The following CSMD2 variants were observed in gnomAD, a reference collection of about 807,000 sequenced individuals.
The protein encoded by CSMD2 is CUB and sushi domain-containing protein 2.
A neutral mutation model predicts 398.5 loss-of-function variants in CSMD2; 130 were observed. That is an observed-to-expected ratio of 0.33 (90% CI 0.28 to 0.38). The LOEUF is 0.38. Among genes scored for constraint, CSMD2 ranks in the 10% least tolerant of loss-of-function variants. CSMD2 has a pLI of 1.00. For synonymous variants in CSMD2, 1,828 were observed against 1,908.5 expected (o/e 0.96, Z 1.10); for missense variants, 3,829 against 4,764.9 (o/e 0.80, Z 5.78).
intron 1 of CSMD2, among the ~76,000 whole-genome samples, chr1:34,108,877 G>A (rs539601027): frequency 4.1e-4 from 62 of 152,250 alleles, no homozygotes; most frequent in Non-Finnish European, 7.1e-4. Flanking sequence ...GATGTTCCTG[G>A]CACTTATTCT....
intron 44 of CSMD2, among the ~76,000 whole-genome samples, chr1:33,597,400 C>T (rs1639913483): frequency 6.6e-6 from 1 of 152,122 alleles, no homozygotes; most frequent in South Asian, 2.1e-4. Flanking sequence ...TTACAATTTG[C>T]AAAAATTTTG....
intron 10 of CSMD2, 22 bp from the exon 11 acceptor site, chr1:33,792,548 A>C: frequency 1.3e-6 from 2 of 1,527,418 alleles, no homozygotes; most frequent in South Asian, 2.2e-5. Flanking sequence ...ACACAGGGTT[A>C]GGAGCAGGCA....
At chr1:33,981,197 T>C (rs1411748380) in intron 3 of CSMD2, among the ~76,000 whole-genome samples, 2 of 152,152 alleles carry the variant, frequency 1.3e-5, no homozygotes, top group East Asian at 3.9e-4. Context: ...TTGCAGTCCT[T>C]ACTCCCGGTT....
chr1:33,962,021 C>T (rs1479997671), intron 3 of CSMD2, among the ~76,000 whole-genome samples: 1 of 152,164 alleles, frequency 6.6e-6, no homozygotes, highest in Non-Finnish European at 1.5e-5. Flanking sequence ...AAACACATGT[C>T]ACAGACACTG....
intron 1 of CSMD2, among the ~76,000 whole-genome samples, chr1:34,101,387 G>T (rs1233162041): frequency 6.6e-6 from 1 of 152,220 alleles, no homozygotes; most frequent in Non-Finnish European, 1.5e-5. Flanking sequence ...CCCCAGGACA[G>T]ACTTCCAAAT....
intron 10 of CSMD2, among the ~76,000 whole-genome samples, chr1:33,800,927 C>A (rs950147236): frequency 1.3e-5 from 2 of 152,146 alleles, no homozygotes; most frequent in African/African-American, 2.4e-5. Flanking sequence ...TGCACAGGGC[C>A]TGGCACAGAG....
At chr1:33,895,692 A>AGAAAGGTGG (rs1642339656) in intron 5 of CSMD2, among the ~76,000 whole-genome samples, 2 of 152,250 alleles carry the variant, frequency 1.3e-5, no homozygotes, top group South Asian at 4.1e-4. Context: ...GGCAGGCTAC[A>AGAAAGGTGG]CTGGCCGCCC....
intron 14 of CSMD2, 58 bp downstream of exon 14, chr1:33,743,222 C>T (rs547526729): frequency 3.4e-6 from 5 of 1,455,144 alleles, no homozygotes; most frequent in Non-Finnish European, 4.7e-6. Flanking sequence ...CACCTTCGAT[C>T]ATCCTCAGAG....
chr1:33,775,198 C>T (rs1651813368), intron 12 of CSMD2, among the ~76,000 whole-genome samples: 1 of 152,050 alleles, frequency 6.6e-6, no homozygotes, highest in Admixed American at 6.6e-5. Flanking sequence ...GCCATAAATC[C>T]AATTCACAAT....
chr1:33,658,924 C>A (rs1171954028), intron 26 of CSMD2, among the ~76,000 whole-genome samples: 3 of 152,086 alleles, frequency 2.0e-5, no homozygotes, highest in Non-Finnish European at 2.9e-5. Context: ...AAGGACTTTG[C>A]GAGTTGGCCT....
chr1:33,533,107 C>T lies in CSMD2; in HGVS notation c.10114G>A (p.Glu3372Lys), dbSNP rs891390487. 4.3e-6 allele frequency: 7 copies of T among 1,613,766 alleles called. No homozygotes were observed. Among genetic ancestry groups the T allele is most frequent in the Non-Finnish European group, 5.9e-6 (7 of 1,179,982 alleles). Reference sequence around the variant, plus strand: ...CCATCCGCCTTGCAGGTGCGGTGCTCGGAGCCACCCTTGAGGGAGAAGCCC... The same window carrying T: ...CCATCCGCCTTGCAGGTGCGGTGCTTGGAGCCACCCTTGAGGGAGAAGCCC... ...QEGFSLKGGS[E>K]HRTCKADGSW... The change falls in exon 64 of 71, where the codon GAG becomes AAG. Residue 3372 changes from glutamate to lysine, a missense_variant. Glu to Lys is a moderately conservative substitution (Grantham distance 56). Around this residue, in one of 5 missense-constraint regions of CSMD2, gnomAD observed 917 missense variants for 1,199.5 expected, o/e 0.76. Coordinates refer to ENST00000373381, the MANE Select transcript of CSMD2 (RefSeq NM_001281956.2). This position sits in a 1 kb window ranked among gnomAD's most constrained non-coding sequence, Gnocchi z 4.2.
intron 25 of CSMD2, among the ~76,000 whole-genome samples, chr1:33,678,253 C>T (rs1644785807): frequency 6.6e-6 from 1 of 150,686 alleles, no homozygotes; most frequent in Non-Finnish European, 1.5e-5. Flanking sequence ...GATGCTGGCA[C>T]CATGCTTCTT....
chr1:33,979,560 C>A (rs976707860), intron 3 of CSMD2, among the ~76,000 whole-genome samples: 16 of 152,212 alleles, frequency 1.1e-4, no homozygotes, highest in Non-Finnish European at 1.5e-5. Context: ...ATTTGAGAAA[C>A]AGACTGGTAA....
chr1:33,716,707 T>A (rs1646182911), intron 19 of CSMD2, among the ~76,000 whole-genome samples: 1 of 152,132 alleles, frequency 6.6e-6, no homozygotes, highest in Non-Finnish European at 1.5e-5. Flanking sequence ...GGGAGAAGAA[T>A]TTTACAGTTC....
intron 5 of CSMD2, among the ~76,000 whole-genome samples, chr1:33,877,695 T>G (rs1225572302): frequency 4.6e-5 from 7 of 152,096 alleles, no homozygotes; most frequent in Non-Finnish European, 8.8e-5. Flanking sequence ...AGGCCCTTAG[T>G]CTGTATTATT....
intron 1 of CSMD2, among the ~76,000 whole-genome samples, chr1:34,103,794 C>A (rs1407110342): frequency 2.0e-5 from 3 of 151,752 alleles, no homozygotes; most frequent in African/African-American, 7.3e-5. Context: ...TTGCACTAAT[C>A]TAATATTCAG....
At chr1:33,860,668 G>A (rs1403774299) in intron 5 of CSMD2, 2 of 152,168 alleles carry the variant, frequency 1.3e-5, no homozygotes, top group African/African-American at 2.4e-5. Flanking sequence ...AGATATGGTT[G>A]TAATGAGCTA....
At chr1:33,973,376 T>A (rs1645842672) in intron 3 of CSMD2, among the ~76,000 whole-genome samples, 1 of 152,180 alleles carries the variant, frequency 6.6e-6, no homozygotes, top group African/African-American at 2.4e-5. Context: ...TGAAATGGAA[T>A]GGGAGAAGGG....
rs899600512 is a variant in CSMD2 at position 34,164,067 on chromosome 1, CGCCGCT to C, written c.187+838_187+843del. The stretch of plus-strand genomic sequence containing the variant: ...CGGGAGCTGGTCCCGCCGCCCGCGC[CGCCGCT>C]GCCGCTGCCGCAGCCGAGGCGCTCG... On this transcript the variant is annotated intron_variant, in intron 1 of 70. Transcript: ENST00000373381. The surrounding 1 kb of genome is among the most constrained non-coding windows in gnomAD (Gnocchi z 6.2). Among the ~76,000 whole-genome samples the C allele has an allele frequency of 6.6e-6, 1 of 152,140 alleles. No individual in the cohort carries two copies. The highest frequency in any genetic ancestry group is 2.4e-5 in the African/African-American group (1 of 41,456).
Sources: allele counts gnomAD v4.1 joint callset (sites outside exome capture counted in the v4.1 genomes callset), GRCh38; gene constraint gnomAD v4.1.1; regional missense constraint gnomAD v4.1.1; non-coding constraint Gnocchi (gnomAD v3.1); transcripts MANE v1.5; gene names NCBI Gene and HGNC (gene_info 2026-07-23, HGNC 2026-07-21).